MLIP: variants seen among roughly 807,000 people sequenced by gnomAD.
The protein encoded by MLIP is muscular LMNA-interacting protein.
A neutral mutation model predicts 84.8 loss-of-function variants in MLIP; 79 were observed. That is an observed-to-expected ratio of 0.93 (90% confidence interval 0.78 to 1.12). The LOEUF (loss-of-function observed/expected upper bound fraction) is 1.12. Among genes scored for constraint, MLIP ranks in the 50% most tolerant of loss-of-function variants. MLIP has a pLI of 0.00. For synonymous variants in MLIP, 504 were observed against 463.0 expected, an observed-to-expected ratio of 1.09 and a Z score of -1.14; for missense variants, 1,257 against 1,160.6, an observed-to-expected ratio of 1.08 and a Z score of -1.21.
At chr6:54,047,012 A>G (rs1037130621) in intron 1 of MLIP, 1 of 152,204 alleles carries the variant, frequency 6.6e-6, no homozygotes, top group Admixed American at 6.5e-5. Context: ...AGTTCACTGC[A>G]CTTGAGATTA....
chr6:54,162,165 T>C (rs1774706476), intron 8 of MLIP, among the ~76,000 whole-genome samples: 1 of 151,948 alleles, frequency 6.6e-6, no homozygotes, highest in South Asian at 2.1e-4. Context: ...CTGAGTAACC[T>C]AAGGTATAAG....
chr6:54,036,175 T>C (rs1422746060), intron 1 of MLIP, among the ~76,000 whole-genome samples: 1 of 151,958 alleles, frequency 6.6e-6, no homozygotes, highest in African/African-American at 2.4e-5. Flanking sequence ...AAAGGGTTAT[T>C]ATTAGAAATA....
chr6:54,151,600 G>C (rs115171484), intron 5 of MLIP, among the ~76,000 whole-genome samples: 1 of 152,118 alleles, frequency 6.6e-6, no homozygotes, highest in Non-Finnish European at 1.5e-5. Flanking sequence ...GGGTAGGTAA[G>C]GTTGTAGACT....
At chr6:54,204,603 TGTAGA>T (rs1228722661) in intron 11 of MLIP, among the ~76,000 whole-genome samples, 1 of 152,224 alleles carries the variant, frequency 6.6e-6, no homozygotes, top group African/African-American at 2.4e-5. Flanking sequence ...CAAGACTCCT[TGTAGA>T]GTATTGAGTT....
At chr6:54,038,169 T>G (rs1373385377) in intron 1 of MLIP, among the ~76,000 whole-genome samples, 1 of 151,932 alleles carries the variant, frequency 6.6e-6, no homozygotes, top group Non-Finnish European at 1.5e-5. Flanking sequence ...AATCCATCAG[T>G]AGATATTTGT....
At chr6:54,060,113 AT>A (rs1439714777) in intron 1 of MLIP, among the ~76,000 whole-genome samples, 1 of 128,808 alleles carries the variant, frequency 7.8e-6, no homozygotes, top group African/African-American at 2.5e-5. Context: ...GAAATGACAA[AT>A]TACTATGTGT....
chr6:54,167,519 G>C (rs1374091995), intron 8 of MLIP, among the ~76,000 whole-genome samples: 1 of 151,664 alleles, frequency 6.6e-6, no homozygotes, highest in Non-Finnish European at 1.5e-5. Context: ...TTTCAGTCTG[G>C]TTCTGAAAAG....
At chr6:54,194,612 A>C (rs930300948) in intron 10 of MLIP, among the ~76,000 whole-genome samples, 3 of 152,104 alleles carry the variant, frequency 2.0e-5, no homozygotes, top group Admixed American at 6.6e-5. Context: ...ATCATTTAGA[A>C]TCAACATGCC....
intron 1 of MLIP, among the ~76,000 whole-genome samples, chr6:54,089,021 A>C (rs1367053245): frequency 2.6e-5 from 4 of 152,092 alleles, no homozygotes; most frequent in Non-Finnish European, 5.9e-5. Flanking sequence ...AAAAGTGGAG[A>C]CTAAAATATT....
chr6:54,027,374 TACACACACACACACACACACAC>T (rs70980886), intron 1 of MLIP, among the ~76,000 whole-genome samples: 32 of 148,618 alleles, frequency 2.2e-4, no homozygotes, highest in Non-Finnish European at 3.0e-4. Flanking sequence ...ATAAAAAAAA[TACACACACACACACACACACAC>T]ACACACACAC....
intron 3 of MLIP, among the ~76,000 whole-genome samples, chr6:54,128,182 AGACATCTGATGTT>A: frequency 6.6e-6 from 1 of 152,198 alleles, no homozygotes; most frequent in Non-Finnish European, 1.5e-5. Flanking sequence ...GGAAGAGATT[AGACATCTGATGTT>A]GAGTTTGAGA....
At chr6:54,138,483 A>C (rs894414153) in intron 4 of MLIP, among the ~76,000 whole-genome samples, 197 bp downstream of exon 4, 3 of 152,178 alleles carry the variant, frequency 2.0e-5, no homozygotes, top group Non-Finnish European at 2.9e-5. Flanking sequence ...TATGTGTTTC[A>C]GTCAAATCCT....
chr6:54,111,256 C>A (rs1268718904), upstream of MLIP, among the ~76,000 whole-genome samples: 1 of 152,102 alleles, frequency 6.6e-6, no homozygotes, highest in Non-Finnish European at 1.5e-5. Flanking sequence ...CTACTGATTC[C>A]ATTTCAGCAG....
intron 1 of MLIP, among the ~76,000 whole-genome samples, chr6:54,053,178 C>G (rs1477848203): frequency 6.6e-6 from 1 of 152,142 alleles, no homozygotes. Flanking sequence ...GTATTCCTGG[C>G]TCTGATACCC....
chr6:54,044,352 G>C (rs1202354653), intron 1 of MLIP, among the ~76,000 whole-genome samples: 1 of 152,186 alleles, frequency 6.6e-6, no homozygotes, highest in Non-Finnish European at 1.5e-5. Context: ...AAGCATGATG[G>C]ATTGGATGCT....
At chr6:54,102,752 T>C (rs1768746401) in intron 1 of MLIP, among the ~76,000 whole-genome samples, 1 of 152,126 alleles carries the variant, frequency 6.6e-6, no homozygotes, top group Non-Finnish European at 1.5e-5. Flanking sequence ...AGGCACTGCA[T>C]TAGGTGCTGG....
chr6:54,162,257 G>A (rs1234210537), intron 8 of MLIP, among the ~76,000 whole-genome samples: 1 of 151,932 alleles, frequency 6.6e-6, no homozygotes, highest in Non-Finnish European at 1.5e-5. Flanking sequence ...TTTTGATCAG[G>A]AATAATAGCT....
At chr6:54,057,842 A>G (rs1430292169) in intron 1 of MLIP, 3 of 152,206 alleles carry the variant, frequency 2.0e-5, no homozygotes, top group Non-Finnish European at 4.4e-5. Flanking sequence ...TTTACTGAAG[A>G]AATGCAAGAG....
At chr6:54,187,652 C>A (rs1285622616) in intron 9 of MLIP, among the ~76,000 whole-genome samples, 1 of 151,918 alleles carries the variant, frequency 6.6e-6, no homozygotes, top group Non-Finnish European at 1.5e-5. Flanking sequence ...TATAAAGTGA[C>A]AAAAATATAA....
Sources: allele counts gnomAD v4.1 joint callset (sites outside exome capture counted in the v4.1 genomes callset), GRCh38; gene constraint gnomAD v4.1.1; transcripts MANE v1.5; gene names NCBI Gene and HGNC (gene_info 2026-07-23, HGNC 2026-07-21).